Variants in CEP112 observed in about 807,000 individuals in gnomAD.
CEP112 encodes centrosomal protein of 112 kDa.
Under a neutral mutation model 153.0 loss-of-function variants are expected in CEP112, and 127 were observed. That is an observed-to-expected ratio of 0.83 (90% CI 0.72 to 0.96). The LOEUF (loss-of-function observed/expected upper bound fraction) is 0.96. Ranked by LOEUF, CEP112 falls within the 40% of genes least tolerant of loss-of-function variation. CEP112 has a pLI of 0.00. For missense variants in CEP112, 1,089 were observed against 1,101.2 expected (o/e 0.99, Z 0.16); for synonymous variants, 358 against 374.4 (o/e 0.96, Z 0.51).
intron 17 of CEP112, among the ~76,000 whole-genome samples, chr17:65,995,684 C>G (rs2063759093): frequency 6.6e-6 from 1 of 152,134 alleles, no homozygotes; most frequent in Non-Finnish European, 1.5e-5. Flanking sequence ...TGAAATTTCT[C>G]TTTTACAAAA....
chr17:65,776,436 C>T (rs797008959), intron 21 of CEP112, among the ~76,000 whole-genome samples: 13 of 152,124 alleles, frequency 8.5e-5, no homozygotes, highest in Admixed American at 7.2e-4. Context: ...GATGTTAGCC[C>T]GGATGGTCTC....
At chr17:65,938,860 GGA>G (rs1162084549) in intron 18 of CEP112, among the ~76,000 whole-genome samples, 2 of 152,074 alleles carry the variant, frequency 1.3e-5, no homozygotes, top group African/African-American at 4.8e-5. Context: ...TGCCCAGGCT[GGA>G]GTGCAATGGC....
intron 18 of CEP112, among the ~76,000 whole-genome samples, chr17:65,928,050 A>C (rs1478478972): frequency 1.3e-5 from 2 of 152,196 alleles, no homozygotes; most frequent in African/African-American, 4.8e-5. Flanking sequence ...ACATATCTTG[A>C]ATATATAAAG....
Position 65,675,028 on chromosome 17 carries a change from A to G in CEP112, c.2697+14101T>C, listed in dbSNP as rs9911540. Among the ~76,000 whole-genome samples the G allele has an allele frequency of 6.9e-3, 1,053 of 152,346 alleles. 13 individuals carry two copies. The highest frequency in any genetic ancestry group is 0.024 in the African/African-American group (1,000 of 41,574). ...TAAGTAGAAAGTCTAGCTCTGGAAA[A>G]TATAATAAGCAAAATTAAGAATGAG... On this transcript the variant is annotated intron_variant, in intron 24 of 26. Coordinates refer to ENST00000535342, the MANE Select transcript of CEP112 (RefSeq NM_001199165.4).
At chr17:66,043,024 C>T in intron 12 of CEP112, 2 of 874,270 alleles carry the variant, frequency 2.3e-6, no homozygotes, top group Non-Finnish European at 2.7e-6. Context: ...TCATATGTCA[C>T]TACTAACATA....
chr17:65,796,869 CAAAAAAAAA>C (rs1220753944), intron 21 of CEP112, among the ~76,000 whole-genome samples: 3 of 40,578 alleles, frequency 7.4e-5, no homozygotes, highest in African/African-American at 2.5e-4. Context: ...CCCATCTCTA[CAAAAAAAAA>C]AAAAAAAAAA....
chr17:65,865,669 C>T (rs2058458833), intron 20 of CEP112, among the ~76,000 whole-genome samples: 1 of 152,206 alleles, frequency 6.6e-6, no homozygotes, highest in African/African-American at 2.4e-5. Context: ...GTCCCAAGAG[C>T]ATCAGGTTTG....
intron 24 of CEP112, among the ~76,000 whole-genome samples, chr17:65,649,071 C>CT (rs2045596230): frequency 2.6e-4 from 14 of 54,870 alleles, no homozygotes; most frequent in Non-Finnish European, 4.5e-4. Flanking sequence ...AACAAACAAA[C>CT]AAACACACAC....
intron 17 of CEP112, among the ~76,000 whole-genome samples, chr17:65,977,772 C>G (rs2063089965): frequency 6.6e-6 from 1 of 152,018 alleles, no homozygotes; most frequent in Non-Finnish European, 1.5e-5. Flanking sequence ...GAGACCCTGT[C>G]TTTAAAAATA....
intron 4 of CEP112, among the ~76,000 whole-genome samples, chr17:66,158,688 A>T (rs1020155783): frequency 1.3e-5 from 2 of 152,212 alleles, no homozygotes; most frequent in Admixed American, 1.3e-4. Context: ...ATTCTCTGGG[A>T]CACAGCTAAA....
intron 21 of CEP112, among the ~76,000 whole-genome samples, chr17:65,844,563 T>C (rs1029907422): frequency 6.6e-6 from 1 of 151,584 alleles, no homozygotes; most frequent in Admixed American, 6.6e-5. Flanking sequence ...CGCATGCCTG[T>C]AGTCCCAGCT....
intron 11 of CEP112, among the ~76,000 whole-genome samples, chr17:66,061,621 G>C (rs1298292715): frequency 4.0e-5 from 6 of 151,304 alleles, no homozygotes; most frequent in African/African-American, 1.5e-4. Context: ...CCATAACAAA[G>C]AATGAAATCC....
intron 4 of CEP112, among the ~76,000 whole-genome samples, chr17:66,161,559 T>C (rs541063290): frequency 3.3e-5 from 5 of 152,218 alleles, no homozygotes; most frequent in African/African-American, 1.2e-4. Flanking sequence ...CTGGAAACCA[T>C]CATTCTTAGC....
At chr17:66,105,412 T>C (rs1335876664) in intron 6 of CEP112, among the ~76,000 whole-genome samples, 2 of 152,054 alleles carry the variant, frequency 1.3e-5, no homozygotes, top group African/African-American at 4.8e-5. Flanking sequence ...ACTAATAAAA[T>C]GGCAGGAGTA....
chr17:65,967,025 G>T (rs1442783017), intron 17 of CEP112, among the ~76,000 whole-genome samples: 1 of 152,186 alleles, frequency 6.6e-6, no homozygotes, highest in East Asian at 1.9e-4. Flanking sequence ...ATGAAACTAT[G>T]ATGATCCAAA....
chr17:66,171,540 T>C (rs1202366218), intron 4 of CEP112, among the ~76,000 whole-genome samples: 1 of 152,160 alleles, frequency 6.6e-6, no homozygotes, highest in African/African-American at 2.4e-5. Flanking sequence ...ATTAGCATAC[T>C]ATGATCACTC....
At chr17:65,648,965 C>T (rs1397828052) in intron 24 of CEP112, among the ~76,000 whole-genome samples, 5 of 152,036 alleles carry the variant, frequency 3.3e-5, no homozygotes, top group Admixed American at 6.6e-5. Context: ...GCAGAAGAAT[C>T]GCTTGAAGCC....
chr17:65,879,872 T>C (rs1434704078), intron 20 of CEP112, among the ~76,000 whole-genome samples: 1 of 133,598 alleles, frequency 7.5e-6, no homozygotes, highest in Non-Finnish European at 1.6e-5. Context: ...AAAAAAGTCA[T>C]GCAGGCAAAT....
chr17:66,051,327 A>G (rs557637179), intron 12 of CEP112, among the ~76,000 whole-genome samples: 65 of 150,340 alleles, frequency 4.3e-4, no homozygotes, highest in African/African-American at 1.5e-3. Flanking sequence ...ATTTTTGAAC[A>G]TAATATTAAC....
Sources: allele counts gnomAD v4.1 joint callset (sites outside exome capture counted in the v4.1 genomes callset), GRCh38; gene constraint gnomAD v4.1.1; transcripts MANE v1.5; gene names NCBI Gene and HGNC (gene_info 2026-07-23, HGNC 2026-07-21).